HDAC9: variants seen among roughly 807,000 people sequenced by gnomAD.
HDAC9 encodes histone deacetylase 9.
A neutral mutation model predicts 139.4 loss-of-function variants in HDAC9; 41 were observed. That is an observed-to-expected ratio of 0.29 (90% CI 0.23 to 0.38). The LOEUF is 0.38. Among genes scored for constraint, HDAC9 ranks in the 10% least tolerant of loss-of-function variants. The pLI, the probability that HDAC9 is intolerant of heterozygous loss-of-function variation, is 1.00. For missense variants in HDAC9, 1,147 were observed against 1,297.0 expected, an observed-to-expected ratio of 0.88 and a Z score of 1.78; for synonymous variants, 517 against 476.2, an observed-to-expected ratio of 1.09 and a Z score of -1.12.
intron 2 of HDAC9, among the ~76,000 whole-genome samples, chr7:18,187,556 T>G (rs965375319): frequency 6.6e-6 from 1 of 152,176 alleles, no homozygotes; most frequent in Non-Finnish European, 1.5e-5. Flanking sequence ...TCTATTCCCC[T>G]CCACATCAAA....
At chr7:18,731,552 A>C (rs1786046641) in intron 13 of HDAC9, among the ~76,000 whole-genome samples, 1 of 152,218 alleles carries the variant, frequency 6.6e-6, no homozygotes, top group African/African-American at 2.4e-5. Context: ...GAGTTTAGTC[A>C]GTTTTGGAAA....
intron 2 of HDAC9, among the ~76,000 whole-genome samples, chr7:18,529,931 C>A (rs1025253602): frequency 5.3e-5 from 8 of 152,006 alleles, no homozygotes; most frequent in African/African-American, 1.9e-4. Context: ...GATTTAATTT[C>A]TACTGTAATT....
chr7:18,915,489 C>G (rs1018862969), intron 22 of HDAC9, among the ~76,000 whole-genome samples: 1 of 151,502 alleles, frequency 6.6e-6, no homozygotes, highest in Admixed American at 6.6e-5. Context: ...TAAGGTCGAG[C>G]TTAAAGGAAA....
intron 22 of HDAC9, among the ~76,000 whole-genome samples, chr7:18,897,223 C>T (rs1163044340): frequency 4.6e-5 from 7 of 151,858 alleles, no homozygotes; most frequent in African/African-American, 1.2e-4. Flanking sequence ...CATTTTTCTA[C>T]ATAATTATTT....
chr7:18,612,706 A>G (rs1336799715), intron 6 of HDAC9, among the ~76,000 whole-genome samples: 1 of 152,148 alleles, frequency 6.6e-6, no homozygotes, highest in Non-Finnish European at 1.5e-5. Context: ...CAGATAATCC[A>G]GATATAGTGT....
chr7:18,200,007 T>C (rs1237514698), intron 2 of HDAC9, among the ~76,000 whole-genome samples: 2 of 152,182 alleles, frequency 1.3e-5, no homozygotes, highest in South Asian at 2.1e-4. Flanking sequence ...AGTAAAACTT[T>C]TGTGACAACT....
chr7:18,860,152 G>A (rs1214265149), intron 21 of HDAC9, among the ~76,000 whole-genome samples: 1 of 151,686 alleles, frequency 6.6e-6, no homozygotes, highest in Non-Finnish European at 1.5e-5. Context: ...GATAAAGAAA[G>A]TAATAACAAA....
chr7:18,975,684 C>T, intron 24 of HDAC9, 122 bp from the exon 25 acceptor site: 1 of 907,908 alleles, frequency 1.1e-6, no homozygotes, highest in Non-Finnish European at 1.7e-6. Flanking sequence ...AACCAAATTA[C>T]AACTGTGTAT....
At chr7:18,764,298 GATAATCT>G (rs1789638396) in intron 15 of HDAC9, among the ~76,000 whole-genome samples, 1 of 152,006 alleles carries the variant, frequency 6.6e-6, no homozygotes, top group Admixed American at 6.6e-5. Context: ...TCCTACAGTT[GATAATCT>G]TAGAGTTAGC....
intron 12 of HDAC9, among the ~76,000 whole-genome samples, chr7:18,686,629 G>C (rs1314407624): frequency 6.6e-6 from 1 of 151,860 alleles, no homozygotes; most frequent in Non-Finnish European, 1.5e-5. Context: ...AATATCTAGA[G>C]AAACACGAAT....
chr7:18,189,141 C>T (rs1199979194), intron 2 of HDAC9, among the ~76,000 whole-genome samples: 3 of 152,154 alleles, frequency 2.0e-5, no homozygotes, highest in Non-Finnish European at 4.4e-5. Context: ...GGTACATATA[C>T]ACCATGGAAT....
intron 7 of HDAC9, among the ~76,000 whole-genome samples, chr7:18,631,366 G>A (rs959651533): frequency 2.6e-5 from 4 of 151,910 alleles, no homozygotes; most frequent in African/African-American, 9.7e-5. Flanking sequence ...CTGGTATACC[G>A]CACTTACTCG....
At chr7:18,103,496 C>T (rs1313370829) in intron 1 of HDAC9, among the ~76,000 whole-genome samples, 1 of 152,100 alleles carries the variant, frequency 6.6e-6, no homozygotes, top group African/African-American at 2.4e-5. Context: ...CTCTCTGGCT[C>T]CTCCCTTTTG....
chr7:18,285,574 A>G (rs1724701407), upstream of HDAC9, among the ~76,000 whole-genome samples: 1 of 151,984 alleles, frequency 6.6e-6, no homozygotes, highest in South Asian at 2.1e-4. Context: ...AGGTGTACCA[A>G]TTTACACTCC....
intron 1 of HDAC9, among the ~76,000 whole-genome samples, chr7:18,104,067 G>C (rs1286560088): frequency 6.6e-6 from 1 of 152,114 alleles, no homozygotes; most frequent in Non-Finnish European, 1.5e-5. Flanking sequence ...CACAGCTTTG[G>C]GATGTGGGAG....
At chr7:18,881,071 T>A (rs1799703933) in intron 22 of HDAC9, among the ~76,000 whole-genome samples, 1 of 152,024 alleles carries the variant, frequency 6.6e-6, no homozygotes, top group Non-Finnish European at 1.5e-5. Flanking sequence ...AGTCAGTCAA[T>A]GATCCAAAAG....
upstream of HDAC9, among the ~76,000 whole-genome samples, chr7:18,287,612 G>A (rs1797534395): frequency 6.6e-6 from 1 of 152,226 alleles, no homozygotes; most frequent in Non-Finnish European, 1.5e-5. Flanking sequence ...GGCCACAGTT[G>A]AGAGCAGATG....
chr7:18,740,785 G>C (rs1349762735), intron 13 of HDAC9, among the ~76,000 whole-genome samples: 1 of 152,212 alleles, frequency 6.6e-6, no homozygotes, highest in East Asian at 1.9e-4. Context: ...CCCAAGGTGT[G>C]AATAGAAAAG....
intron 17 of HDAC9, among the ~76,000 whole-genome samples, chr7:18,800,805 C>G (rs1793222554): frequency 6.6e-6 from 1 of 151,882 alleles, no homozygotes; most frequent in Non-Finnish European, 1.5e-5. Flanking sequence ...CTCATTCCAG[C>G]CTGGAAGACA....
Sources: gnomAD v4.1 joint callset for allele counts (sites outside exome capture counted in the v4.1 genomes callset) on GRCh38, gnomAD v4.1.1 for gene constraint, MANE v1.5 for transcripts, NCBI Gene and HGNC (gene_info 2026-07-23, HGNC 2026-07-21) for gene names.